Variants in CALN1 observed in about 807,000 individuals in gnomAD.
CALN1 encodes calneuron 1, also known as calcium-binding protein 8.
A neutral mutation model predicts 30.6 loss-of-function variants in CALN1; 17 were observed. That is an observed-to-expected ratio of 0.56 (90% confidence interval 0.38 to 0.83). The LOEUF (loss-of-function observed/expected upper bound fraction) is 0.83, where lower values mean the gene tolerates loss of function less well. Among genes scored for constraint, CALN1 ranks in the 40% least tolerant of loss-of-function variants. The pLI is 0.00. For missense variants in CALN1, 291 were observed against 354.9 expected (o/e 0.82, Z 1.45); for synonymous variants, 156 against 131.4 (o/e 1.19, Z -1.28).
At chr7:71,933,046 C>T (rs2129520784) in intron 5 of CALN1, among the ~76,000 whole-genome samples, 1 of 152,150 alleles carries the variant, frequency 6.6e-6, no homozygotes, top group South Asian at 2.1e-4. Flanking sequence ...AAATCATATT[C>T]TAACAAAGAG....
intron 3 of CALN1, among the ~76,000 whole-genome samples, chr7:72,194,096 A>G (rs921968979): frequency 6.6e-6 from 1 of 152,196 alleles, no homozygotes; most frequent in Non-Finnish European, 1.5e-5. Context: ...TCCCCAAAAA[A>G]TCTATTGAAA....
At chr7:72,392,616 C>A (rs1435028139) in intron 2 of CALN1, among the ~76,000 whole-genome samples, 2 of 152,128 alleles carry the variant, frequency 1.3e-5, no homozygotes, top group Non-Finnish European at 2.9e-5. Context: ...CTATTTAGGG[C>A]ATGAACTCTA....
At chr7:72,252,955 T>C (rs1477649040) in intron 3 of CALN1, among the ~76,000 whole-genome samples, 1 of 152,178 alleles carries the variant, frequency 6.6e-6, no homozygotes, top group East Asian at 1.9e-4. Flanking sequence ...ATATTATGCC[T>C]TCGGTATTTA....
chr7:71,846,443 C>A (rs189962763), intron 5 of CALN1, among the ~76,000 whole-genome samples: 12 of 152,164 alleles, frequency 7.9e-5, no homozygotes, highest in Admixed American at 7.2e-4. Context: ...GGAAAGGCAC[C>A]AAACACTGCT....
At chr7:72,264,496 A>AT (rs34126246) in intron 3 of CALN1, among the ~76,000 whole-genome samples, 2,391 of 147,232 alleles carry the variant, frequency 0.016, 21 homozygotes, top group Non-Finnish European at 0.021. Context: ...AATAAGCAGG[A>AT]TTTTTTTTTT....
chr7:71,915,309 G>T (rs932784590), intron 5 of CALN1, among the ~76,000 whole-genome samples: 1 of 152,184 alleles, frequency 6.6e-6, no homozygotes, highest in African/African-American at 2.4e-5. Flanking sequence ...ACTTTCTTTC[G>T]AAAAGAGGTG....
intron 1 of CALN1, among the ~76,000 whole-genome samples, chr7:72,418,466 C>T (rs1807495863): frequency 6.6e-6 from 1 of 152,154 alleles, no homozygotes; most frequent in Non-Finnish European, 1.5e-5. Context: ...AAATTATTTT[C>T]CTTTGGGTTT....
intron 5 of CALN1, among the ~76,000 whole-genome samples, chr7:72,011,058 C>A (rs560896190): frequency 1.3e-3 from 189 of 150,756 alleles, no homozygotes; most frequent in African/African-American, 4.5e-3. Flanking sequence ...GAGGCTGAGG[C>A]AGGAGAACTG....
intron 2 of CALN1, among the ~76,000 whole-genome samples, chr7:72,286,791 AGAAG>A (rs1483535797): frequency 6.6e-6 from 1 of 152,230 alleles, no homozygotes; most frequent in African/African-American, 2.4e-5. Context: ...GCATCATTAG[AGAAG>A]GAAGAACTTT....
chr7:72,156,963 T>C (rs1435014605), intron 3 of CALN1, among the ~76,000 whole-genome samples: 1 of 152,180 alleles, frequency 6.6e-6, no homozygotes, highest in Non-Finnish European at 1.5e-5. Flanking sequence ...TACCAAGACA[T>C]AACCTCTGCC....
At chr7:72,089,960 T>A (rs114251194) in intron 4 of CALN1, among the ~76,000 whole-genome samples, 2,942 of 152,290 alleles carry the variant, frequency 0.019, 95 homozygotes, top group African/African-American at 0.067. Context: ...TTATTCTTGG[T>A]TACAGAGAAA....
At chr7:72,361,909 CAA>C (rs1290799517) in intron 2 of CALN1, among the ~76,000 whole-genome samples, 4 of 151,174 alleles carry the variant, frequency 2.6e-5, no homozygotes, top group Non-Finnish European at 3.0e-5. Flanking sequence ...TACAAATCAC[CAA>C]AGAGAAAAAA....
intron 3 of CALN1, among the ~76,000 whole-genome samples, chr7:72,195,097 A>G (rs1196829396): frequency 1.3e-5 from 2 of 152,184 alleles, no homozygotes; most frequent in Non-Finnish European, 2.9e-5. Context: ...CGTCATGTGA[A>G]GCAGCACATT....
At chr7:72,481,024 C>A in the CALN1 span, among the ~76,000 whole-genome samples, 2 of 152,124 alleles carry the variant, frequency 1.3e-5, no homozygotes, top group Admixed American at 6.5e-5. Context: ...GCGATCTCGG[C>A]TCCCTGTGAC....
chr7:72,449,743 C>T (rs536500762), upstream of CALN1, among the ~76,000 whole-genome samples: 4 of 151,688 alleles, frequency 2.6e-5, no homozygotes, highest in Non-Finnish European at 5.9e-5. Flanking sequence ...GGCATGGTGG[C>T]GGGCGCCTGT....
chr7:71,970,705 G>C (rs1208586708), intron 5 of CALN1, among the ~76,000 whole-genome samples: 1 of 151,968 alleles, frequency 6.6e-6, no homozygotes, highest in Non-Finnish European at 1.5e-5. Context: ...TTAACACTTA[G>C]GCAATAAAGC....
chr7:72,265,950 A>G (rs1796567802), intron 3 of CALN1, among the ~76,000 whole-genome samples: 1 of 152,056 alleles, frequency 6.6e-6, no homozygotes, highest in Non-Finnish European at 1.5e-5. Context: ...CCTGGGAAAC[A>G]CAGTGAGGCC....
intron 2 of CALN1, among the ~76,000 whole-genome samples, chr7:72,390,397 C>T (rs1026446757): frequency 6.6e-6 from 1 of 152,124 alleles, no homozygotes; most frequent in Admixed American, 6.5e-5. Context: ...CGCCACTGCA[C>T]TCTAGCCTGG....
At chr7:71,859,729 G>A (rs1584389073) in intron 5 of CALN1, among the ~76,000 whole-genome samples, 2 of 152,322 alleles carry the variant, frequency 1.3e-5, no homozygotes, top group East Asian at 1.9e-4. Context: ...TAAGCTGTAG[G>A]ATGGAAAATC....
Sources: allele counts gnomAD v4.1 joint callset (sites outside exome capture counted in the v4.1 genomes callset), GRCh38; gene constraint gnomAD v4.1.1; transcripts MANE v1.5; gene names NCBI Gene and HGNC (gene_info 2026-07-23, HGNC 2026-07-21).